NOXA1: variants seen among roughly 807,000 people sequenced by gnomAD.
The protein encoded by NOXA1 is NCF2-like protein.
A neutral mutation model predicts 64.8 loss-of-function variants in NOXA1; 56 were observed. That is an observed-to-expected ratio of 0.86 (90% CI 0.70 to 1.08). The LOEUF (loss-of-function observed/expected upper bound fraction) is 1.08. NOXA1 is among the 50% of genes least tolerant of loss of function. The probability of loss-of-function intolerance (pLI) is 0.00; values close to 1 mark genes in which losing one functional copy is unlikely to be tolerated. For synonymous variants in NOXA1, 295 were observed against 294.8 expected (o/e 1.00, Z -0.01); for missense variants, 668 against 658.5 (o/e 1.01, Z -0.16).
intron 8 of NOXA1, among the ~76,000 whole-genome samples, chr9:137,432,519 A>G (rs1839153054): frequency 6.6e-6 from 1 of 152,012 alleles, no homozygotes; most frequent in Non-Finnish European, 1.5e-5. Flanking sequence ...GGCGGAGCTT[A>G]TAGTGAGCCA....
In NOXA1 at chr9:137,433,203, A is replaced by G; in HGVS notation, c.851-2A>G. On this transcript the variant is annotated splice_acceptor_variant, in intron 9 of 13. Transcript: ENST00000683555. LOFTEE classifies it high-confidence loss of function. Reference sequence around the variant, plus strand: ...CTGTGTCAGTCTTGCTCTGTCCTACAGGGCTGCCGGCAATGGGGGGGCCTG... The same window carrying G: ...CTGTGTCAGTCTTGCTCTGTCCTACGGGGCTGCCGGCAATGGGGGGGCCTG... 2 of 1,607,918 alleles carry G rather than the reference A, an allele frequency of 1.2e-6. No individual in the cohort carries two copies. Among genetic ancestry groups the G allele is most frequent in the Non-Finnish European group, 1.7e-6 (2 of 1,177,984 alleles).
chr9:137,423,479 C>A lies in NOXA1; in HGVS notation c.-51C>A, dbSNP rs1028191213. 5.1e-6 allele frequency: 6 copies of A among 1,186,030 alleles called. No homozygotes were observed. The highest frequency in any genetic ancestry group is 3.2e-4 in the Middle Eastern group (1 of 3,106). The allele number at this position is 1,186,030 out of a possible 1,614,324, so 73.5% of individuals were successfully genotyped here. A position where few individuals can be genotyped will look rare whatever the true frequency, so the allele number is the denominator to read the frequency against. ...CCGCGCCGCCGCCTGGCCCCGGCCC[C>A]GGCCCCTCCGCGGGATCCTGGCCCC... On this transcript the variant is annotated 5_prime_UTR_variant, in exon 1 of 14. Coordinates refer to ENST00000683555, the MANE Select transcript of NOXA1 (RefSeq NM_001256067.2).
Position 137,433,762 on chromosome 9 carries a change from A to G in NOXA1, c.1077A>G (p.Pro359=). The part of the protein sequence containing the change: ...AQLGQLSYLA[P]GEDGHWVPIP... ...AATCTCTTTGCAGTTACCTAGCCCC[A>G]GGTGAGGACGGGCACTGGGTCCCCA... Residue 359 remains proline, a synonymous_variant, in exon 12 of 14, where the codon CCA becomes CCG. Coordinates refer to ENST00000683555, the MANE Select transcript of NOXA1 (RefSeq NM_001256067.2). The G allele has an allele frequency of 6.9e-7, 1 of 1,457,492 alleles. No homozygotes were observed. The highest frequency in any genetic ancestry group is 9.1e-7 in the Non-Finnish European group (1 of 1,099,926). The allele number at this position is 1,457,492 out of a possible 1,614,324, so 90.3% of individuals were successfully genotyped here.
Position 137,429,167 on chromosome 9 carries a change from G to C in NOXA1, c.505-109G>C. Reference sequence around the variant, plus strand: ...GGGGGCTTCCTGTGACCTGCGGGAAGGGGGTGGGGGGCCCAAGCGGCCCCT... The same window carrying C: ...GGGGGCTTCCTGTGACCTGCGGGAACGGGGTGGGGGGCCCAAGCGGCCCCT... On this transcript the variant is annotated intron_variant, in intron 4 of 13. Coordinates refer to ENST00000683555, the MANE Select transcript of NOXA1 (RefSeq NM_001256067.2). The C allele has an allele frequency of 3.8e-6, 5 of 1,322,490 alleles. No individual in the cohort carries two copies. The South Asian group carries it at 4.6e-5, about 12-fold the overall frequency. The allele number at this position is 1,322,490 out of a possible 1,614,324, so 81.9% of individuals were successfully genotyped here.
At position 137,423,686 on chromosome 9, in the gene NOXA1, G is replaced by C; in HGVS notation, c.157G>C (p.Asp53His). ...GGGCTGCGTGCACCTGCTGGCCGGG[G>C]ACCCCGAGGCCGCGCTGCGGGTGAG... ...NAGCVHLLAG[D>H]PEAALRAFDQ... Residue 53 changes from aspartate (D) to histidine (H), a missense_variant, in exon 1 of 14, where the codon GAC becomes CAC. Coordinates refer to ENST00000683555, the MANE Select transcript of NOXA1 (RefSeq NM_001256067.2). The C allele has an allele frequency of 4.4e-6, 6 of 1,351,270 alleles. No individual in the cohort carries two copies. The highest frequency in any genetic ancestry group is 5.7e-6 in the Non-Finnish European group (6 of 1,050,782). 83.7% of individuals were successfully genotyped at this position (1,351,270 alleles called of 1,614,324 possible). A position where few individuals can be genotyped will look rare whatever the true frequency, so the allele number is the denominator to read the frequency against.
rs745405690 is a variant in NOXA1 at position 137,426,322 on chromosome 9, G to A, written c.252G>A (p.Gln84=). 6.2e-7 allele frequency: 1 copy of A among 1,613,742 alleles called. No individual in the cohort carries two copies. Among genetic ancestry groups the A allele is most frequent in the Admixed American group, 1.7e-5 (1 of 60,028 alleles). ...GFFQRGVANF[Q]LARFQEALSD... ...TCCAGCGAGGAGTGGCCAACTTCCA[G>A]CTGGCAAGGTGAGTACAGGGGTGCC... Residue 84 remains glutamine (Q), a synonymous_variant, in exon 2 of 14, where the codon CAG becomes CAA. Transcript: ENST00000683555.
intron 8 of NOXA1, 65 bp from the exon 9 acceptor site, chr9:137,432,964 C>G: frequency 6.4e-6 from 10 of 1,565,116 alleles, no homozygotes; most frequent in Non-Finnish European, 8.8e-6. Flanking sequence ...GTGGGCTCTG[C>G]GAGGACAGTA....
At chr9:137,433,423 A>G in intron 10 of NOXA1, 30 bp from the exon 11 acceptor site, 1 of 1,577,252 alleles carries the variant, frequency 6.3e-7, no homozygotes. Context: ...GGCCTCAGCG[A>G]CCACCCCTCC....
At chr9:137,425,184 AAGAGAC>A (rs1838802036) in intron 1 of NOXA1, among the ~76,000 whole-genome samples, 1 of 152,142 alleles carries the variant, frequency 6.6e-6, no homozygotes, top group Non-Finnish European at 1.5e-5. Context: ...AGATTTGTGA[AAGAGAC>A]CGTAGCACCC....
chr9:137,433,182 G>C, intron 9 of NOXA1, 23 bp from the exon 10 acceptor site: 1 of 1,609,558 alleles, frequency 6.2e-7, no homozygotes, highest in South Asian at 1.1e-5. Context: ...TAGTGGCTGT[G>C]TCAGTCTTGC....
chr9:137,431,279 C>A lies in NOXA1; in HGVS notation c.742C>A (p.Pro248Thr). The part of the protein sequence containing the change: ...DSPRAGTHQG[P>T]LDAETEVGAD... ...CCCAAGAGCTGGCACCCACCAGGGC[C>A]CCCTCGATGCAGAGACAGAGGTCGG... The change falls in exon 8 of 14, where the codon CCC (proline) becomes ACC (threonine). Residue 248 changes from proline to threonine, a missense_variant. Transcript: ENST00000683555. The surrounding 1 kb of genome is among the most constrained non-coding windows in gnomAD (Gnocchi z 5.6). 6.2e-7 allele frequency: 1 copy of A among 1,612,778 alleles called. No homozygotes were observed. The highest frequency in any genetic ancestry group is 8.5e-7 in the Non-Finnish European group (1 of 1,179,954).
rs759616041 is a variant in NOXA1, at chr9:137,423,660, C to T, written c.131C>T (p.Ala44Val). The stretch of plus-strand genomic sequence containing the variant: ...CCGCCCGCCAGGCTGTGCTTCAACG[C>T]GGGCTGCGTGCACCTGCTGGCCGGG... Reference protein sequence around the residue: ...PAPPARLCFNAGCVHLLAGDP... With the variant: ...PAPPARLCFNVGCVHLLAGDP... Residue 44 changes from alanine to valine, a missense_variant, in exon 1 of 14, where the codon GCG (alanine) becomes GTG (valine). Ala to Val is a moderately conservative substitution (Grantham distance 64). Transcript: ENST00000683555. 3.2e-4 allele frequency: 447 copies of T among 1,407,670 alleles called. 2 individuals are homozygous for T. Among genetic ancestry groups the T allele is most frequent in the Admixed American group, 3.1e-4 (12 of 38,450 alleles). 87.2% of individuals were successfully genotyped at this position (1,407,670 alleles called of 1,614,324 possible). A position where few individuals can be genotyped will look rare whatever the true frequency, so the allele number is the denominator to read the frequency against.
rs755100464 is a variant in NOXA1 at position 137,434,282 on chromosome 9, C to T, written c.1353C>T (p.Cys451=). ...CDGRIGIFPK[C]FVVPAGPRMS... is the part of the protein sequence containing the mutation. Reference sequence around the variant, plus strand: ...GCCGCATCGGCATCTTCCCCAAGTGCTTCGTGGTCCCCGCCGGCCCTCGGA... The same window carrying T: ...GCCGCATCGGCATCTTCCCCAAGTGTTTCGTGGTCCCCGCCGGCCCTCGGA... The change falls in exon 14 of 14, where the codon TGC becomes TGT. Residue 451 remains cysteine (C), a synonymous_variant. Transcript: ENST00000683555. The T allele has an allele frequency of 6.2e-7, 1 of 1,611,204 alleles. No homozygotes were observed.
In NOXA1 at chr9:137,433,985, C is replaced by A; in HGVS notation, c.1200C>A (p.Val400=). 6.4e-7 allele frequency: 1 copy of A among 1,556,452 alleles called. No homozygotes were observed. ...LQCRGAGGRP[V]LYQVVAQHSY... is the part of the protein sequence containing the mutation. ...CTCAGGGAGCCGGGGGTCGGCCGGTCCTCTACCAGGTGGTGGCCCAGCACA... is the reference window on the plus strand; with the variant it reads ...CTCAGGGAGCCGGGGGTCGGCCGGTACTCTACCAGGTGGTGGCCCAGCACA... The change falls in exon 13 of 14, where the codon GTC becomes GTA. Residue 400 remains valine (V), a synonymous_variant. Transcript: ENST00000683555.
At position 137,431,491 on chromosome 9, in the gene NOXA1, C is replaced by A. The variant is rs1026409748; in HGVS notation, c.804+150C>A. ...GGGCTCACCCGTGGTCCTGGCCCAG[C>A]CCAGCCAGATGGGAGGATGCCTGGC... is the stretch of plus-strand genomic sequence containing the variant. On this transcript the variant is annotated intron_variant, in intron 8 of 13. Transcript: ENST00000683555. This position sits in a 1 kb window ranked among gnomAD's most constrained non-coding sequence, Gnocchi z 5.6. 7.7e-5 allele frequency: 52 copies of A among 677,888 alleles called. No individual in the cohort carries two copies. Among genetic ancestry groups the A allele is most frequent in the Non-Finnish European group, 1.1e-4 (42 of 395,022 alleles). 42.0% of individuals were successfully genotyped at this position (677,888 alleles called of 1,614,324 possible).
In NOXA1 at chr9:137,433,434, C is replaced by G; in HGVS notation, c.910-19C>G. 1.3e-6 allele frequency: 2 copies of G among 1,586,830 alleles called. No homozygotes were observed. Among genetic ancestry groups the G allele is most frequent in the Non-Finnish European group, 1.7e-6 (2 of 1,169,082 alleles). On this transcript the variant is annotated intron_variant, in intron 10 of 13. Transcript: ENST00000683555. ...CCTGGGCCTCAGCGACCACCCCTCC[C>G]CCTCCTGCCTGGACCCAGGGAGCAG...
At position 137,423,663 on chromosome 9, in the gene NOXA1, G is replaced by C; in HGVS notation, c.134G>C (p.Gly45Ala). 1.4e-6 allele frequency: 2 copies of C among 1,405,592 alleles called. No individual in the cohort carries two copies. Among genetic ancestry groups the C allele is most frequent in the Non-Finnish European group, 1.9e-6 (2 of 1,076,604 alleles). 87.1% of individuals were successfully genotyped at this position (1,405,592 alleles called of 1,614,324 possible). A position where few individuals can be genotyped will look rare whatever the true frequency, so the allele number is the denominator to read the frequency against. ...APPARLCFNA[G>A]CVHLLAGDPE... ...CCCGCCAGGCTGTGCTTCAACGCGGGCTGCGTGCACCTGCTGGCCGGGGAC... is the reference window on the plus strand; with the variant it reads ...CCCGCCAGGCTGTGCTTCAACGCGGCCTGCGTGCACCTGCTGGCCGGGGAC... Residue 45 changes from glycine (G) to alanine (A), a missense_variant, in exon 1 of 14, where the codon GGC (glycine) becomes GCC (alanine). Gly to Ala is a moderately conservative substitution (Grantham distance 60). Coordinates refer to ENST00000683555, the MANE Select transcript of NOXA1 (RefSeq NM_001256067.2).
rs748624218 is a variant in NOXA1 at position 137,434,378 on chromosome 9, T to C, written c.*18T>C. 1.3e-5 allele frequency: 20 copies of C among 1,553,244 alleles called. No homozygotes were observed. Among genetic ancestry groups the C allele is most frequent in the Non-Finnish European group, 1.7e-5 (20 of 1,148,964 alleles). On this transcript the variant is annotated 3_prime_UTR_variant, in exon 14 of 14. Coordinates refer to ENST00000683555, the MANE Select transcript of NOXA1 (RefSeq NM_001256067.2). Reference sequence around the variant, plus strand: ...AGCCCTAATGATGCTGTGTCCATGATGCTTTTAATAAAAACAACCCCCACT... The same window carrying C: ...AGCCCTAATGATGCTGTGTCCATGACGCTTTTAATAAAAACAACCCCCACT...
At position 137,429,350 on chromosome 9, in the gene NOXA1, C is replaced by T; in HGVS notation, c.579C>T (p.His193=). 1 of 1,584,722 alleles carries T rather than the reference C, an allele frequency of 6.3e-7. No individual in the cohort carries two copies. Among genetic ancestry groups the T allele is most frequent in the Middle Eastern group, 1.7e-4 (1 of 6,016 alleles). ...VFRPHRWHLK[H]LEPVDFLGKA... ...GGCCCCACCGGTGGCACCTGAAGCA[C>T]TTGGAGCCCGTGGATTTCCTGGGCA... Residue 193 remains histidine (H), a synonymous_variant, in exon 5 of 14, where the codon CAC becomes CAT. Transcript: ENST00000683555.
Sources: allele counts gnomAD v4.1 joint callset (sites outside exome capture counted in the v4.1 genomes callset), GRCh38; gene constraint gnomAD v4.1.1; non-coding constraint Gnocchi (gnomAD v3.1); transcripts MANE v1.5; gene names NCBI Gene and HGNC (gene_info 2026-07-23, HGNC 2026-07-21).